The following SDK2 variants were observed in gnomAD, a reference collection of about 807,000 sequenced individuals.
SDK2 encodes sidekick cell adhesion molecule 2, also known as protein sidekick-2.
SDK2 carries 105 observed loss-of-function variants against 253.9 expected under a neutral mutation model. The observed-to-expected ratio is 0.41, with a 90% CI of 0.35 to 0.49. SDK2 has a LOEUF of 0.49. Among genes scored for constraint, SDK2 ranks in the 20% least tolerant of loss-of-function variants. The probability of loss-of-function intolerance (pLI) is 0.06; values close to 1 mark genes in which losing one functional copy is unlikely to be tolerated. For synonymous variants in SDK2, 1,249 were observed against 1,234.9 expected (o/e 1.01, Z -0.24); for missense variants, 2,608 against 3,003.0 (o/e 0.87, Z 3.07).
intron 16 of SDK2, among the ~76,000 whole-genome samples, chr17:73,417,848 G>T (rs1232901759): frequency 1.3e-5 from 2 of 152,064 alleles, no homozygotes; most frequent in East Asian, 3.9e-4. Context: ...AATTTTGGGG[G>T]TCAGACACAA....
At chr17:73,545,979 C>G (rs2044956955) in intron 1 of SDK2, among the ~76,000 whole-genome samples, 1 of 152,172 alleles carries the variant, frequency 6.6e-6, no homozygotes, top group African/African-American at 2.4e-5. Flanking sequence ...CAACCCGGGA[C>G]TCAGATGAGG....
intron 1 of SDK2, among the ~76,000 whole-genome samples, chr17:73,636,571 C>G (rs2046332219): frequency 6.7e-6 from 1 of 150,160 alleles, no homozygotes; most frequent in African/African-American, 2.5e-5. Context: ...ATCCTAGCTA[C>G]TCGGGAGGCT....
chr17:73,496,348 GA>G lies in SDK2; in HGVS notation c.224+11089del, dbSNP rs1555591714. 1.3e-5 allele frequency among the ~76,000 whole-genome samples: 2 copies of G among 152,192 alleles called. No homozygotes were observed. The highest frequency in any genetic ancestry group is 2.9e-5 in the Non-Finnish European group (2 of 68,048). The stretch of plus-strand genomic sequence containing the variant: ...AAGGCACACAGTGAGTCAGGGGCAG[GA>G]CTGGACATCACAAGGTGGGATGCTG... On this transcript the variant is annotated intron_variant, in intron 2 of 44. Transcript: ENST00000392650. The surrounding 1 kb of genome is among the most constrained non-coding windows in gnomAD (Gnocchi z 4.7).
intron 1 of SDK2, among the ~76,000 whole-genome samples, chr17:73,583,267 C>T (rs968369103): frequency 6.6e-6 from 1 of 152,242 alleles, no homozygotes; most frequent in African/African-American, 2.4e-5. Context: ...CCACTGCTAT[C>T]TTCTTAGCAT....
rs755531247 is a variant in SDK2, at chr17:73,414,674, C to A, written c.2454G>T (p.Gln818His). The A allele has an allele frequency of 6.2e-7, 1 of 1,613,730 alleles. No individual in the cohort carries two copies. The highest frequency in any genetic ancestry group is 8.5e-7 in the Non-Finnish European group (1 of 1,179,754). Residue 818 changes from glutamine (Q) to histidine (H), a missense_variant, in exon 18 of 45, where the codon CAG becomes CAT. Coordinates refer to ENST00000392650, the MANE Select transcript of SDK2 (RefSeq NM_001144952.2). ...AGCCCTGGTTGATGCCGTTGATGAA[C>A]TGGGGGCTGGGGGCGTTCCAGGTGA... ...IRFTWNAPSP[Q>H]FINGINQGYK...
chr17:73,581,075 CTCA>C (rs2145882298), intron 1 of SDK2, among the ~76,000 whole-genome samples: 1 of 151,756 alleles, frequency 6.6e-6, no homozygotes, highest in East Asian at 1.9e-4. Flanking sequence ...GAGATAGGGT[CTCA>C]TCATGTTGCT....
In SDK2 at chr17:73,402,136, G is replaced by A. The variant is rs139222271; in HGVS notation, c.2490C>T (p.Ile830=). 6.2e-7 allele frequency: 1 copy of A among 1,613,120 alleles called. No homozygotes were observed. The highest frequency in any genetic ancestry group is 8.5e-7 in the Non-Finnish European group (1 of 1,179,370). The part of the protein sequence containing the change: ...INGINQGYKL[I]AWEPEQEEEV... ...CCTCTTCCTGTTCCGGCTCCCAGGC[G>A]ATCAGCTGCGGAGAGGCGAGCAAGT... Residue 830 remains isoleucine, a synonymous_variant, in exon 19 of 45, where the codon ATC becomes ATT. Coordinates refer to ENST00000392650, the MANE Select transcript of SDK2 (RefSeq NM_001144952.2).
intron 1 of SDK2, among the ~76,000 whole-genome samples, chr17:73,583,959 T>C (rs114965907): frequency 0.033 from 4,999 of 152,268 alleles, 264 homozygotes; most frequent in African/African-American, 0.11. Flanking sequence ...CTTCCGATGA[T>C]AGGACCCTGG....
intron 1 of SDK2, among the ~76,000 whole-genome samples, chr17:73,625,252 C>T (rs1013775707): frequency 6.6e-5 from 10 of 152,198 alleles, no homozygotes; most frequent in African/African-American, 1.7e-4. Context: ...CTGCCTGTGA[C>T]GCCCAAGACA....
rs1555746393 is a variant in SDK2 at position 73,337,053 on chromosome 17, A to ATGTGTATGTG, written c.*1533_*1534insCACATACACA. The ATGTGTATGTG allele has an allele frequency of 1.3e-5, 2 of 148,710 alleles. No homozygotes were observed. Among genetic ancestry groups the ATGTGTATGTG allele is most frequent in the African/African-American group, 4.9e-5 (2 of 40,520 alleles). 9.2% of individuals were successfully genotyped at this position (148,710 alleles called of 1,614,324 possible). A position where few individuals can be genotyped will look rare whatever the true frequency, so the allele number is the denominator to read the frequency against. On this transcript the variant is annotated 3_prime_UTR_variant, in exon 45 of 45. Transcript: ENST00000392650. ...TCCTTGGAGCAGATTGTGTATGTGT[A>ATGTGTATGTG]TGTGTGTGTGTGTGTGTGTGTGTGT...
intron 2 of SDK2, among the ~76,000 whole-genome samples, chr17:73,499,860 TGTGTG>T (rs2063872357): frequency 0.042 from 1 of 24 alleles, no homozygotes; most frequent in Non-Finnish European, 0.1. Flanking sequence ...CATGGGAATC[TGTGTG>T]TGTGTGTGTG....
chr17:73,338,138 C>A lies in SDK2; in HGVS notation c.*449G>T. 1 of 267,594 alleles carries A rather than the reference C, an allele frequency of 3.7e-6. No individual in the cohort carries two copies. The highest frequency in any genetic ancestry group is 7.5e-6 in the Non-Finnish European group (1 of 134,050). The allele number at this position is 267,594 out of a possible 1,614,324, so 16.6% of individuals were successfully genotyped here. A position where few individuals can be genotyped will look rare whatever the true frequency, so the allele number is the denominator to read the frequency against. On this transcript the variant is annotated 3_prime_UTR_variant, in exon 45 of 45. Coordinates refer to ENST00000392650, the MANE Select transcript of SDK2 (RefSeq NM_001144952.2). The surrounding 1 kb of genome is among the most constrained non-coding windows in gnomAD (Gnocchi z 5.0). ...GCCTCCGGGATGCCCATTCTTTTTG[C>A]AGAGAGCAGCGGCAGTGGGTCCAGG...
intron 9 of SDK2, among the ~76,000 whole-genome samples, chr17:73,434,830 A>G (rs962222088): frequency 1.3e-5 from 2 of 151,850 alleles, no homozygotes; most frequent in South Asian, 2.1e-4. Context: ...AGGTTTCGCC[A>G]TGTTGCTCAG....
chr17:73,429,672 T>G (rs2063310978), intron 12 of SDK2, among the ~76,000 whole-genome samples: 1 of 152,240 alleles, frequency 6.6e-6, no homozygotes. Context: ...ACAGTGATAT[T>G]GCTCATAAAA....
Position 73,415,805 on chromosome 17 carries a change from A to G in SDK2, c.2368+6T>C. The G allele has an allele frequency of 6.4e-7, 1 of 1,551,102 alleles. No individual in the cohort carries two copies. The highest frequency in any genetic ancestry group is 8.7e-7 in the Non-Finnish European group (1 of 1,146,540). ...CGCCTGGTCTGAGACCACAGTCTCT[A>G]CCTACCTCCCTGCAGCGTCCACTCG... is the stretch of plus-strand genomic sequence containing the variant. On this transcript the variant is annotated splice_donor_region_variant and intron_variant, in intron 17 of 44. Transcript: ENST00000392650.
In SDK2 at chr17:73,642,640, T is replaced by C. The variant is rs1387166896; in HGVS notation, c.64+1385A>G. On this transcript the variant is annotated intron_variant, in intron 1 of 44. Coordinates refer to ENST00000392650, the MANE Select transcript of SDK2 (RefSeq NM_001144952.2). The surrounding 1 kb of genome is among the most constrained non-coding windows in gnomAD (Gnocchi z 4.7). Reference sequence around the variant, plus strand: ...GAGTGGCCTTGGGCAAGTCATTTAATGCCATTTGGCCTCAGTTTCCCTATC... The same window carrying C: ...GAGTGGCCTTGGGCAAGTCATTTAACGCCATTTGGCCTCAGTTTCCCTATC... 6.6e-6 allele frequency among the ~76,000 whole-genome samples: 1 copy of C among 152,190 alleles called. No homozygotes were observed. Among genetic ancestry groups the C allele is most frequent in the African/African-American group, 2.4e-5 (1 of 41,456 alleles).
rs1278377816 is a variant in SDK2, at chr17:73,534,468, G to A, written c.65-26871C>T. ...CTGAGAGGCCTGGGGGCTATGTGGG[G>A]GAAGGTTCAGGGACAGTGTGGGGGC... On this transcript the variant is annotated intron_variant, in intron 1 of 44. Coordinates refer to ENST00000392650, the MANE Select transcript of SDK2 (RefSeq NM_001144952.2). This position sits in a 1 kb window ranked among gnomAD's most constrained non-coding sequence, Gnocchi z 4.9. Among the ~76,000 whole-genome samples the A allele has an allele frequency of 6.6e-6, 1 of 152,154 alleles. No individual in the cohort carries two copies.
intron 1 of SDK2, among the ~76,000 whole-genome samples, chr17:73,581,009 A>G (rs1284637866): frequency 6.6e-6 from 1 of 151,798 alleles, no homozygotes; most frequent in Admixed American, 6.6e-5. Flanking sequence ...TCAGCCTTCC[A>G]AGTCACTGGG....
chr17:73,368,349 C>T (rs1200059995), intron 37 of SDK2, 58 bp downstream of exon 37: 5 of 1,358,454 alleles, frequency 3.7e-6, no homozygotes, highest in Middle Eastern at 2.8e-4. Context: ...CAGGTAGGTC[C>T]TCTTGCAACC....
Sources: gnomAD v4.1 joint callset for allele counts (sites outside exome capture counted in the v4.1 genomes callset) on GRCh38, gnomAD v4.1.1 for gene constraint, Gnocchi (gnomAD v3.1) non-coding constraint, MANE v1.5 for transcripts, NCBI Gene and HGNC (gene_info 2026-07-23, HGNC 2026-07-21) for gene names.